Variants in PPAT observed in about 807,000 individuals in gnomAD.
PPAT encodes phosphoribosyl pyrophosphate amidotransferase.
Under a neutral mutation model 60.2 loss-of-function variants are expected in PPAT, and 20 were observed. The observed-to-expected ratio is 0.33, with a 90% CI of 0.23 to 0.48. The LOEUF (loss-of-function observed/expected upper bound fraction) is 0.48. PPAT is among the 20% of genes least tolerant of loss of function. The pLI, the probability that PPAT is intolerant of heterozygous loss-of-function variation, is 0.99. For missense variants in PPAT, 349 were observed against 629.6 expected, an observed-to-expected ratio of 0.55 and a Z score of 4.77; for synonymous variants, 194 against 215.1, an observed-to-expected ratio of 0.90 and a Z score of 0.86.
intron 1 of PPAT, chr4:56,410,568 T>C: frequency 1.0e-6 from 1 of 986,654 alleles, no homozygotes; most frequent in South Asian, 4.7e-5. Context: ...AAAGCTTTGC[T>C]AAGTGTCTGG....
At chr4:56,411,178 A>G (rs997270155) in intron 1 of PPAT, among the ~76,000 whole-genome samples, 2 of 152,188 alleles carry the variant, frequency 1.3e-5, no homozygotes, top group African/African-American at 2.4e-5. Flanking sequence ...ACTGCATGTG[A>G]TATGTTTTTG....
rs2110034933 is a variant in PPAT, at chr4:56,393,811, G to A, written c.*1541C>T. On this transcript the variant is annotated 3_prime_UTR_variant, in exon 11 of 11. Transcript: ENST00000264220. ...TGCCTCCTCCATGCTGCCATGGGGA[G>A]TACATTTAAGACAAGAGGCTACGCA... The A allele has an allele frequency of 6.5e-6, 1 of 152,700 alleles. No homozygotes were observed. Among genetic ancestry groups the A allele is most frequent in the South Asian group, 2.1e-4 (1 of 4,816 alleles). The allele number at this position is 152,700 out of a possible 1,614,324, so 9.5% of individuals were successfully genotyped here. A position where few individuals can be genotyped will look rare whatever the true frequency, so the allele number is the denominator to read the frequency against.
At chr4:56,406,245 T>C (rs2110040629) in intron 3 of PPAT, among the ~76,000 whole-genome samples, 1 of 152,226 alleles carries the variant, frequency 6.6e-6, no homozygotes, top group East Asian at 1.9e-4. Flanking sequence ...CTCTCCCAAA[T>C]CTCTAAAGCA....
At position 56,410,899 on chromosome 4, in the gene PPAT, T is replaced by TAA. The variant is rs35668849; in HGVS notation, c.129-3185_129-3184dup. The TAA allele has an allele frequency of 2.1e-3, 1,448 of 678,368 alleles. 29 individuals are homozygous for TAA. Among genetic ancestry groups the TAA allele is most frequent in the East Asian group, 9.1e-3 (36 of 3,974 alleles). The allele number at this position is 678,368 out of a possible 1,614,324, so 42.0% of individuals were successfully genotyped here. A position where few individuals can be genotyped will look rare whatever the true frequency, so the allele number is the denominator to read the frequency against. ...GTACAGCCCCAGAGACCACTGAAGGTAAAAAAAAAAAAAAAAAAAAAAAAA... is the reference window on the plus strand; with the variant it reads ...GTACAGCCCCAGAGACCACTGAAGGTAAAAAAAAAAAAAAAAAAAAAAAAAAA... On this transcript the variant is annotated intron_variant, in intron 1 of 10. Transcript: ENST00000264220.
intron 8 of PPAT, 142 bp downstream of exon 8, chr4:56,400,642 A>G (rs1716087148): frequency 3.2e-6 from 3 of 944,716 alleles, no homozygotes; most frequent in Non-Finnish European, 4.4e-6. Flanking sequence ...TGGAAAATAA[A>G]AAACGCTTGT....
intron 1 of PPAT, chr4:56,419,776 A>G: frequency 1.0e-6 from 1 of 984,876 alleles, no homozygotes; most frequent in Non-Finnish European, 1.2e-6. Context: ...GTGAGAAATA[A>G]GAGGATATTT....
chr4:56,402,760 G>C lies in PPAT; in HGVS notation c.661+280C>G, dbSNP rs562293489. On this transcript the variant is annotated intron_variant, in intron 5 of 10. Transcript: ENST00000264220. ...GAACCTGGGAGGTGGAGGTTGCAGT[G>C]AGCTGAGATCGCACCACTGCACTCC... Among the ~76,000 whole-genome samples, 19 of 140,290 alleles carry C rather than the reference G, an allele frequency of 1.4e-4. No individual in the cohort carries two copies. The East Asian group carries it at 4.1e-3, about 30-fold the overall frequency. The allele number at this position is 140,290 out of a possible 152,430, so 92.0% of individuals were successfully genotyped here.
At chr4:56,431,467 A>G (rs1717582234) in intron 1 of PPAT, 1 of 977,096 alleles carries the variant, frequency 1.0e-6, no homozygotes, top group Admixed American at 6.2e-5. Context: ...AGATCATTAC[A>G]AATCAGTTTC....
chr4:56,434,052 T>G (rs1450024404), intron 1 of PPAT, among the ~76,000 whole-genome samples: 1 of 152,192 alleles, frequency 6.6e-6, no homozygotes, highest in African/African-American at 2.4e-5. Flanking sequence ...AAGAGTTTAC[T>G]TTCTCCTTGG....
chr4:56,404,379 T>C (rs78890667), intron 3 of PPAT, among the ~76,000 whole-genome samples: 1,973 of 152,306 alleles, frequency 0.013, 49 homozygotes, highest in African/African-American at 0.045. Flanking sequence ...TTATTACTGA[T>C]AGAAGAAAGT....
rs553735591 is a variant in PPAT at position 56,404,068 on chromosome 4, T to C, written c.403-667A>G. 400 of 448,918 alleles carry C rather than the reference T, an allele frequency of 8.9e-4. 5 individuals are homozygous for C. The highest frequency in any genetic ancestry group is 6.0e-3 in the South Asian group (381 of 63,114). 27.8% of individuals were successfully genotyped at this position (448,918 alleles called of 1,614,324 possible). A position where few individuals can be genotyped will look rare whatever the true frequency, so the allele number is the denominator to read the frequency against. On this transcript the variant is annotated intron_variant, in intron 3 of 10. Transcript: ENST00000264220. ...CAGGGGTTGGGGACTCCTGCGCTAA[T>C]AGTATGTATATACTAATAACGGATG...
In PPAT at chr4:56,393,678, A is replaced by G. The variant is rs1553936585; in HGVS notation, c.*1674T>C. ...TACAAAAGCATCTCAGTAAAACAAAAACTACAGAAAACGCAAAGTAAAATC... is the reference window on the plus strand; with the variant it reads ...TACAAAAGCATCTCAGTAAAACAAAGACTACAGAAAACGCAAAGTAAAATC... On this transcript the variant is annotated 3_prime_UTR_variant, in exon 11 of 11. Coordinates refer to ENST00000264220, the MANE Select transcript of PPAT (RefSeq NM_002703.5). 2.0e-5 allele frequency: 3 copies of G among 152,754 alleles called. No homozygotes were observed. The South Asian group carries it at 6.2e-4, about 32-fold the overall frequency. 9.5% of individuals were successfully genotyped at this position (152,754 alleles called of 1,614,324 possible).
intron 1 of PPAT, chr4:56,416,211 A>G (rs528456044): frequency 6.6e-6 from 1 of 152,566 alleles, no homozygotes; most frequent in African/African-American, 2.4e-5. Context: ...CTTTAAATAT[A>G]CAAATATTTA....
At chr4:56,421,438 T>G (rs911941561) in intron 1 of PPAT, 4 of 152,400 alleles carry the variant, frequency 2.6e-5, no homozygotes, top group Non-Finnish European at 4.4e-5. Context: ...CCCTGGTCCA[T>G]GGAAAAATTG....
intron 8 of PPAT, chr4:56,400,302 C>T (rs891239747): frequency 6.6e-6 from 1 of 152,234 alleles, no homozygotes; most frequent in African/African-American, 2.4e-5. Flanking sequence ...AAAGCATTTA[C>T]TTTTCTCTAG....
intron 1 of PPAT, among the ~76,000 whole-genome samples, chr4:56,426,943 C>T (rs1717319748): frequency 6.6e-6 from 1 of 152,172 alleles, no homozygotes; most frequent in Non-Finnish European, 1.5e-5. Flanking sequence ...ATTCTCCTTT[C>T]CATCTTTGTG....
intron 1 of PPAT, among the ~76,000 whole-genome samples, chr4:56,426,797 T>C (rs761815526): frequency 6.6e-6 from 1 of 152,204 alleles, no homozygotes; most frequent in African/African-American, 2.4e-5. Flanking sequence ...ATTATACCCA[T>C]AAGTACGTTC....
intron 1 of PPAT, among the ~76,000 whole-genome samples, chr4:56,410,290 T>C (rs1020873892): frequency 3.3e-5 from 5 of 152,330 alleles, no homozygotes; most frequent in African/African-American, 4.8e-5. Context: ...AAGGGAAGTT[T>C]TTCCTTCAGG....
At chr4:56,395,789 A>G (rs566794520) in intron 10 of PPAT, among the ~76,000 whole-genome samples, 1 of 152,126 alleles carries the variant, frequency 6.6e-6, no homozygotes, top group Admixed American at 6.5e-5. Flanking sequence ...CTTCAAGTCT[A>G]GAATGGAATT....
Sources: gnomAD v4.1 joint callset for allele counts (sites outside exome capture counted in the v4.1 genomes callset) on GRCh38, gnomAD v4.1.1 for gene constraint, MANE v1.5 for transcripts, NCBI Gene and HGNC (gene_info 2026-07-23, HGNC 2026-07-21) for gene names.